Variants in VPS9D1 observed in about 807,000 individuals in gnomAD.
VPS9D1 encodes VPS9 domain-containing protein 1.
Under a neutral mutation model 75.8 loss-of-function variants are expected in VPS9D1, and 78 were observed. That is an observed-to-expected ratio of 1.03 (90% CI 0.86 to 1.24). The LOEUF (loss-of-function observed/expected upper bound fraction) is 1.24, where lower values mean the gene tolerates loss of function less well. VPS9D1 is among the 50% of genes most tolerant of loss of function. VPS9D1 has a pLI of 0.00. For synonymous variants in VPS9D1, 481 were observed against 385.6 expected (o/e 1.25, Z -2.90); for missense variants, 1,057 against 847.7 (o/e 1.25, Z -3.07).
chr16:89,712,388 C>T, intron 6 of VPS9D1, 72 bp downstream of exon 6: 7 of 1,597,774 alleles, frequency 4.4e-6, no homozygotes, highest in Non-Finnish European at 6.0e-6. Flanking sequence ...CTCGCTGCCC[C>T]CTTCTCTGCC....
chr16:89,709,929 C>T (rs370634420), intron 10 of VPS9D1, 23 bp from the exon 11 acceptor site: 10 of 1,581,190 alleles, frequency 6.3e-6, no homozygotes, highest in South Asian at 3.5e-5. Flanking sequence ...GAGCCGGGGA[C>T]GTCCACAGAG....
At chr16:89,708,793 C>A in intron 13 of VPS9D1, 64 bp downstream of exon 13, 1 of 1,449,580 alleles carries the variant, frequency 6.9e-7, no homozygotes, top group Non-Finnish European at 9.2e-7. Context: ...GATAGTCCCT[C>A]CCGTGACCAT....
intron 1 of VPS9D1, chr16:89,720,407 C>T: frequency 9.9e-7 from 1 of 1,011,838 alleles, no homozygotes; most frequent in Non-Finnish European, 1.2e-6. Context: ...ATTAAATCTA[C>T]CATCTCTGCC....
chr16:89,718,653 A>T (rs2061151231), intron 2 of VPS9D1, among the ~76,000 whole-genome samples: 1 of 152,094 alleles, frequency 6.6e-6, no homozygotes, highest in African/African-American at 2.4e-5. Flanking sequence ...AAGGGCTAGG[A>T]TGCCCACAAT....
At chr16:89,712,157 C>A (rs968135112) in intron 6 of VPS9D1, 58 bp from the exon 7 acceptor site, 2 of 1,545,658 alleles carry the variant, frequency 1.3e-6, no homozygotes, top group Non-Finnish European at 1.7e-6. Context: ...GGTTCCCAAC[C>A]CCGTCCCACA....
intron 10 of VPS9D1, 141 bp downstream of exon 10, chr16:89,710,445 G>A (rs2060888635): frequency 2.2e-6 from 2 of 907,104 alleles, no homozygotes; most frequent in Non-Finnish European, 1.6e-6. Context: ...AAAATGAGAA[G>A]GGCTGAGGCG....
Position 89,716,549 on chromosome 16 carries a change from T to C in VPS9D1, c.344A>G (p.Tyr115Cys). ...AGAGAGCTTTCCTCCTTCATCGGAG[T>C]ATACACGGCGGTGTCGGCCGGCAGG... ...PQPAGRHRRV[Y>C]SDEGGKLSPF... is the part of the protein sequence containing the mutation. Residue 115 changes from tyrosine (Y) to cysteine (C), a missense_variant, in exon 4 of 15, where the codon TAC becomes TGC. Physicochemically the swap from Tyr to Cys is radical, Grantham distance 194. Coordinates refer to ENST00000389386, the MANE Select transcript of VPS9D1 (RefSeq NM_004913.3). 1.2e-6 allele frequency: 2 copies of C among 1,614,000 alleles called. No individual in the cohort carries two copies. Among genetic ancestry groups the C allele is most frequent in the Non-Finnish European group, 1.7e-6 (2 of 1,179,988 alleles).
At chr16:89,710,310 G>C (rs967116847) in intron 10 of VPS9D1, among the ~76,000 whole-genome samples, 9 of 152,156 alleles carry the variant, frequency 5.9e-5, no homozygotes, top group African/African-American at 1.9e-4. Flanking sequence ...TCTGGGCTGG[G>C]CGCGGTGGCT....
rs2060822369 is a variant in VPS9D1, at chr16:89,707,580, CCTCT to C, written c.*277_*280del. On this transcript the variant is annotated 3_prime_UTR_variant, in exon 15 of 15. Transcript: ENST00000389386. ...CGAAGCCCAAAGCTTCCCTTCTTGGCCTCTCTGAGGCCTACACAGGAGAGCAGGG... is the reference window on the plus strand; with the variant it reads ...CGAAGCCCAAAGCTTCCCTTCTTGGCCTGAGGCCTACACAGGAGAGCAGGG... 1 of 373,932 alleles carries C rather than the reference CCTCT, an allele frequency of 2.7e-6. No individual in the cohort carries two copies. Among genetic ancestry groups the C allele is most frequent in the Non-Finnish European group, 4.9e-6 (1 of 204,044 alleles). 23.2% of individuals were successfully genotyped at this position (373,932 alleles called of 1,614,324 possible).
chr16:89,718,272 T>C (rs546098404), intron 2 of VPS9D1: 338 of 360,966 alleles, frequency 9.4e-4, no homozygotes, highest in Non-Finnish European at 1.3e-3. Flanking sequence ...CCATCCTGGG[T>C]GGTCTGGCCA....
chr16:89,711,119 C>A lies in VPS9D1; in HGVS notation c.834-109G>T, dbSNP rs376170941. On this transcript the variant is annotated intron_variant, in intron 9 of 14. Coordinates refer to ENST00000389386, the MANE Select transcript of VPS9D1 (RefSeq NM_004913.3). The stretch of plus-strand genomic sequence containing the variant: ...AGAAGCGACTTGCATTACCTCCTGA[C>A]AGTGAATGTTGGAAAGTCTGCCCCC... 9.3e-5 allele frequency: 118 copies of A among 1,274,506 alleles called. No individual in the cohort carries two copies. The African/African-American group carries it at 1.5e-3, about 16-fold the overall frequency. 78.9% of individuals were successfully genotyped at this position (1,274,506 alleles called of 1,614,324 possible). A position where few individuals can be genotyped will look rare whatever the true frequency, so the allele number is the denominator to read the frequency against.
At chr16:89,719,411 A>G in intron 1 of VPS9D1, 1 of 513,122 alleles carries the variant, frequency 1.9e-6, no homozygotes, top group Non-Finnish European at 3.8e-6. Context: ...AGGAACTGAT[A>G]TTCTCATTCA....
chr16:89,719,172 T>C, intron 1 of VPS9D1, 70 bp from the exon 2 acceptor site: 4 of 1,466,794 alleles, frequency 2.7e-6, no homozygotes, highest in Non-Finnish European at 3.8e-6. Context: ...TCCGGCCAGG[T>C]GCCCTTGTGG....
chr16:89,718,066 A>G, intron 2 of VPS9D1: 2 of 451,304 alleles, frequency 4.4e-6, no homozygotes, highest in Non-Finnish European at 4.4e-6. Flanking sequence ...GCTCCCCCTG[A>G]CCTCTGTGCT....
intron 10 of VPS9D1, 61 bp from the exon 11 acceptor site, chr16:89,709,967 C>G (rs566442189): frequency 2.0e-6 from 3 of 1,535,592 alleles, no homozygotes; most frequent in East Asian, 2.3e-5. Flanking sequence ...TCAAGTGGCT[C>G]TAAGCCACGG....
rs900915280 is a variant in VPS9D1, at chr16:89,711,618, T to A, written c.748-206A>T. On this transcript the variant is annotated intron_variant, in intron 8 of 14. Coordinates refer to ENST00000389386, the MANE Select transcript of VPS9D1 (RefSeq NM_004913.3). The stretch of plus-strand genomic sequence containing the variant: ...GCGAACCCTGGGCCTGCACCCTCGC[T>A]GGGACCCTCCCTCCTCGCAGGGACC... 2.5e-5 allele frequency: 13 copies of A among 523,006 alleles called. No individual in the cohort carries two copies. In the African/African-American group the frequency reaches 3.4e-4, roughly 14 times the overall value. 32.4% of individuals were successfully genotyped at this position (523,006 alleles called of 1,614,324 possible).
intron 1 of VPS9D1, 54 bp downstream of exon 1, chr16:89,720,709 G>A (rs1396788906): frequency 2.2e-6 from 3 of 1,345,040 alleles, no homozygotes; most frequent in East Asian, 3.3e-5. Flanking sequence ...CCCGGGCGGG[G>A]GTCCCTCCAG....
In VPS9D1 at chr16:89,707,824, A is replaced by C. The variant is rs758290129; in HGVS notation, c.*37T>G. 9 of 1,596,730 alleles carry C rather than the reference A, an allele frequency of 5.6e-6. No homozygotes were observed. The Admixed American group carries it at 1.5e-4, about 27-fold the overall frequency. ...GTAGGAGAGACAGCCCTGGGAGGCG[A>C]GGCCAGGCCCTGCAGGGACCCTGGG... On this transcript the variant is annotated 3_prime_UTR_variant, in exon 15 of 15. Coordinates refer to ENST00000389386, the MANE Select transcript of VPS9D1 (RefSeq NM_004913.3).
chr16:89,707,992 G>T, intron 14 of VPS9D1, 38 bp from the exon 15 acceptor site: 1 of 1,588,820 alleles, frequency 6.3e-7, no homozygotes, highest in South Asian at 1.1e-5. Flanking sequence ...TCATCTGAAC[G>T]AACAGAAGGA....
Sources: gnomAD v4.1 joint callset for allele counts (sites outside exome capture counted in the v4.1 genomes callset) on GRCh38, gnomAD v4.1.1 for gene constraint, MANE v1.5 for transcripts, NCBI Gene and HGNC (gene_info 2026-07-23, HGNC 2026-07-21) for gene names.